The following FOXN3 variants were observed in gnomAD, a reference collection of about 807,000 sequenced individuals.
FOXN3 encodes forkhead box N3.
A neutral mutation model predicts 38.4 loss-of-function variants in FOXN3; 7 were observed. That is an observed-to-expected ratio of 0.18 (90% CI 0.10 to 0.34). The LOEUF is 0.34. Among genes scored for constraint, FOXN3 ranks in the 10% least tolerant of loss-of-function variants. The probability of loss-of-function intolerance (pLI) is 1.00; values close to 1 mark genes in which losing one functional copy is unlikely to be tolerated. For synonymous variants in FOXN3, 230 were observed against 242.2 expected, an observed-to-expected ratio of 0.95 and a Z score of 0.47; for missense variants, 456 against 613.4, an observed-to-expected ratio of 0.74 and a Z score of 2.71.
At chr14:89,420,361 A>C (rs141376771), upstream of FOXN3, among the ~76,000 whole-genome samples, 652 of 152,294 alleles carry the variant, frequency 4.3e-3, 3 homozygotes, top group African/African-American at 0.015. Context: ...CATCTGGGGA[A>C]GGGAGGGGAG....
chr14:89,314,101 A>G (rs1010816654), intron 3 of FOXN3, among the ~76,000 whole-genome samples: 5 of 152,178 alleles, frequency 3.3e-5, no homozygotes, highest in Admixed American at 3.3e-4. Context: ...TTAAAAGTAC[A>G]TTTTACATTA....
At chr14:89,558,496 G>A (rs1895172929) in intron 1 of FOXN3, among the ~76,000 whole-genome samples, 1 of 152,120 alleles carries the variant, frequency 6.6e-6, no homozygotes, top group Non-Finnish European at 1.5e-5. Flanking sequence ...TCGTTTCCAG[G>A]GTTCTCAGCC....
chr14:89,262,565 G>A (rs1379329159), intron 4 of FOXN3, among the ~76,000 whole-genome samples: 3 of 152,170 alleles, frequency 2.0e-5, no homozygotes, highest in Admixed American at 1.3e-4. Context: ...CAGGACATGT[G>A]GGTAACTAAC....
In FOXN3 at chr14:89,156,281, T is replaced by C. The variant is rs1886977614; in HGVS notation, c.*6133A>G. ...GGGGAAAAGTGTTATTTACAATAAA[T>C]GATGAAATAGTTTGTCTTTGGCAAT... On this transcript the variant is annotated 3_prime_UTR_variant, in exon 6 of 6. Transcript: ENST00000557258. 1 of 152,762 alleles carries C rather than the reference T, an allele frequency of 6.5e-6. No individual in the cohort carries two copies. Among genetic ancestry groups the C allele is most frequent in the East Asian group, 1.9e-4 (1 of 5,180 alleles). The allele number at this position is 152,762 out of a possible 1,614,324, so 9.5% of individuals were successfully genotyped here. A position where few individuals can be genotyped will look rare whatever the true frequency, so the allele number is the denominator to read the frequency against.
intron 1 of FOXN3, among the ~76,000 whole-genome samples, chr14:89,447,773 T>A (rs1050683366): frequency 6.6e-6 from 1 of 150,914 alleles, no homozygotes; most frequent in African/African-American, 2.4e-5. Context: ...TATCTGCAGT[T>A]GAAAGTCATC....
chr14:89,187,264 G>A (rs775726267), intron 4 of FOXN3, among the ~76,000 whole-genome samples: 6 of 152,214 alleles, frequency 3.9e-5, no homozygotes, highest in Non-Finnish European at 7.3e-5. Context: ...AGCACCGCAC[G>A]AGGAAGCTCT....
intron 1 of FOXN3, among the ~76,000 whole-genome samples, chr14:89,477,281 A>G (rs573842002): frequency 8.5e-5 from 13 of 152,230 alleles, no homozygotes; most frequent in African/African-American, 3.1e-4. Flanking sequence ...ACCAGACTGG[A>G]TCCCCGATCT....
chr14:89,583,827 T>A (rs1895792497), intron 1 of FOXN3, among the ~76,000 whole-genome samples: 1 of 151,514 alleles, frequency 6.6e-6, no homozygotes, highest in Non-Finnish European at 1.5e-5. Context: ...CCCAAAGTGC[T>A]GGGATTATAG....
In FOXN3 at chr14:89,517,334, G is replaced by A. The variant is rs372999801; in HGVS notation, c.-15+101694C>T. On this transcript the variant is annotated intron_variant, in intron 1 of 6. Coordinates refer to the FOXN3 transcript ENST00000345097. ...GCCGAGATCACACTCCAGCCTGGGC[G>A]ACAGAAAGAGACCCTGTCTTAAAAA... Among the ~76,000 whole-genome samples, 28 of 139,954 alleles carry A rather than the reference G, an allele frequency of 2.0e-4. No homozygotes were observed. In the South Asian group the frequency reaches 2.7e-3, roughly 14 times the overall value. The allele number at this position is 139,954 out of a possible 152,430, so 91.8% of individuals were successfully genotyped here.
intron 1 of FOXN3, among the ~76,000 whole-genome samples, chr14:89,558,237 C>T (rs1404632441): frequency 2.0e-5 from 3 of 152,072 alleles, no homozygotes; most frequent in Non-Finnish European, 4.4e-5. Context: ...CTATTTTAGC[C>T]AGAAGCACAA....
chr14:89,503,803 A>G (rs1031831343), intron 1 of FOXN3, among the ~76,000 whole-genome samples: 1 of 152,214 alleles, frequency 6.6e-6, no homozygotes, highest in East Asian at 1.9e-4. Context: ...CACCGGGCAT[A>G]TTAACACATA....
In FOXN3 at chr14:89,434,960, C is replaced by CTA. The variant is rs1892245198; in HGVS notation, c.-14-22471_-14-22470insTA. On this transcript the variant is annotated intron_variant, in intron 1 of 6. Coordinates refer to the FOXN3 transcript ENST00000345097. ...CAGAGAATTATTATAGTTACAGGTA[C>CTA]AGATCAACCTTAGTCAATTCTGTAT... Among the ~76,000 whole-genome samples the CTA allele has an allele frequency of 2.0e-5, 3 of 152,304 alleles. No individual in the cohort carries two copies. The South Asian group carries it at 6.2e-4, about 32-fold the overall frequency.
upstream of FOXN3, among the ~76,000 whole-genome samples, chr14:89,418,840 A>G (rs1373579010): frequency 3.3e-5 from 5 of 152,136 alleles, no homozygotes; most frequent in East Asian, 9.7e-4. Flanking sequence ...CGCCAGAGGA[A>G]CCAAGGCCAG....
At chr14:89,618,778 T>TTC (rs200800805) in intron 1 of FOXN3, among the ~76,000 whole-genome samples, 1,874 of 151,770 alleles carry the variant, frequency 0.012, 43 homozygotes, top group African/African-American at 0.044. Context: ...TAAGAAACTT[T>TTC]TTTTTTTTTT....
At chr14:89,454,982 T>G (rs762669195) in intron 1 of FOXN3, among the ~76,000 whole-genome samples, 18 of 152,220 alleles carry the variant, frequency 1.2e-4, no homozygotes, top group Non-Finnish European at 1.9e-4. Context: ...TTCCATTGGA[T>G]AAATGGCACA....
At chr14:89,180,984 GCA>G (rs1887657831) in intron 4 of FOXN3, among the ~76,000 whole-genome samples, 178 bp from the exon 5 acceptor site, 1 of 146,756 alleles carries the variant, frequency 6.8e-6, no homozygotes. Context: ...ACACAGACAT[GCA>G]CAGACACACA....
intron 1 of FOXN3, among the ~76,000 whole-genome samples, chr14:89,423,657 G>C (rs571573700): frequency 1.3e-5 from 2 of 152,198 alleles, no homozygotes; most frequent in East Asian, 3.9e-4. Context: ...ATGAAAAGAC[G>C]CTCAAAACTG....
At chr14:89,523,983 G>A (rs1214677443) in intron 1 of FOXN3, among the ~76,000 whole-genome samples, 16 of 151,540 alleles carry the variant, frequency 1.1e-4, no homozygotes, top group East Asian at 5.9e-4. Context: ...GGCTGGTCTC[G>A]AACTCCTGAC....
At chr14:89,425,066 T>TTC (rs1555353148) in intron 1 of FOXN3, among the ~76,000 whole-genome samples, 2 of 133,456 alleles carry the variant, frequency 1.5e-5, no homozygotes, top group Admixed American at 7.4e-5. Context: ...TCTTTTCTTT[T>TTC]TTTTTTTTTT....
Sources: gnomAD v4.1 joint callset for allele counts (sites outside exome capture counted in the v4.1 genomes callset) on GRCh38, gnomAD v4.1.1 for gene constraint, MANE v1.5 for transcripts, NCBI Gene and HGNC (gene_info 2026-07-23, HGNC 2026-07-21) for gene names.